FOXP4: variants seen among roughly 807,000 people sequenced by gnomAD.
FOXP4 encodes the protein forkhead box P4.
A neutral mutation model predicts 82.6 loss-of-function variants in FOXP4; 25 were observed. The ratio of observed to expected loss-of-function variants is 0.30; its 90% CI spans 0.22 to 0.42. The LOEUF (loss-of-function observed/expected upper bound fraction) is 0.42. Among genes scored for constraint, FOXP4 ranks in the 10% least tolerant of loss-of-function variants. The pLI is 1.00. For synonymous variants in FOXP4, 415 were observed against 388.2 expected (o/e 1.07, Z -0.81); for missense variants, 785 against 900.9 (o/e 0.87, Z 1.65).
Position 41,597,859 on chromosome 6 carries a change from C to T in FOXP4, c.1804C>T (p.Pro602Ser), listed in dbSNP as rs1163284070. 1.9e-6 allele frequency: 3 copies of T among 1,601,052 alleles called. No individual in the cohort carries two copies. The South Asian group carries it at 3.3e-5, about 18-fold the overall frequency. ...LNPGSASSLL[P>S]LSHDDVGAPV... ...CCCTGGCTCCGCCAGCAGCCTGCTGCCCCTCAGCCACGATGACGTGGGTGC... is the reference window on the plus strand; with the variant it reads ...CCCTGGCTCCGCCAGCAGCCTGCTGTCCCTCAGCCACGATGACGTGGGTGC... Residue 602 changes from proline (P) to serine (S), a missense_variant, in exon 16 of 17, where the codon CCC becomes TCC. Coordinates refer to ENST00000307972, the MANE Select transcript of FOXP4 (RefSeq NM_001012426.2).
At chr6:41,597,985 C>T in intron 16 of FOXP4, 35 bp downstream of exon 16, 2 of 1,420,550 alleles carry the variant, frequency 1.4e-6, no homozygotes, top group Non-Finnish European at 1.8e-6. Context: ...CCCACCCCAG[C>T]ACCCCTCAAC....
At chr6:41,572,010 A>G (rs1026929515) in intron 2 of FOXP4, among the ~76,000 whole-genome samples, 1 of 152,000 alleles carries the variant, frequency 6.6e-6, no homozygotes, top group Admixed American at 6.6e-5. Flanking sequence ...GTAAGTATCT[A>G]CCCCGAAAGA....
chr6:41,552,586 C>G (rs1007082140), intron 1 of FOXP4, among the ~76,000 whole-genome samples: 6 of 152,196 alleles, frequency 3.9e-5, no homozygotes, highest in Admixed American at 3.3e-4. Flanking sequence ...ACCTTTTTAA[C>G]TGAGCGCATC....
chr6:41,578,289 G>A (rs943590176), intron 3 of FOXP4, among the ~76,000 whole-genome samples: 4 of 152,168 alleles, frequency 2.6e-5, no homozygotes, highest in Admixed American at 1.3e-4. Context: ...CAGACCTTCC[G>A]CTAGCTTAGC....
intron 4 of FOXP4, among the ~76,000 whole-genome samples, 200 bp downstream of exon 4, chr6:41,585,091 C>T (rs1410190570): frequency 6.6e-6 from 1 of 152,142 alleles, no homozygotes; most frequent in Non-Finnish European, 1.5e-5. Context: ...CCCCACAATA[C>T]TCCCCGGTCC....
intron 1 of FOXP4, among the ~76,000 whole-genome samples, chr6:41,555,312 T>A (rs1462310434): frequency 2.0e-5 from 3 of 152,160 alleles, no homozygotes; most frequent in African/African-American, 7.2e-5. Context: ...CCACAGAGGT[T>A]AGGTCTTTGT....
At chr6:41,550,817 T>C (rs1215253794) in intron 1 of FOXP4, among the ~76,000 whole-genome samples, 1 of 152,134 alleles carries the variant, frequency 6.6e-6, no homozygotes, top group Non-Finnish European at 1.5e-5. Flanking sequence ...GGAGAGAGAA[T>C]TCCCCAGAAT....
At chr6:41,586,065 C>T (rs1197752818) in intron 5 of FOXP4, among the ~76,000 whole-genome samples, 1 of 152,110 alleles carries the variant, frequency 6.6e-6, no homozygotes, top group Non-Finnish European at 1.5e-5. Flanking sequence ...GGCCCTTCTC[C>T]CCTGGGTCCC....
Position 41,548,134 on chromosome 6 carries a change from C to T in FOXP4, c.-17+1267C>T, listed in dbSNP as rs376573865. On this transcript the variant is annotated intron_variant, in intron 1 of 16. Coordinates refer to ENST00000307972, the MANE Select transcript of FOXP4 (RefSeq NM_001012426.2). Reference sequence around the variant, plus strand: ...GCGCGCCCCGCTCTTTCCTTTGCTCCCCGGCTTCCCTGGCCAGCCCCCTCC... The same window carrying T: ...GCGCGCCCCGCTCTTTCCTTTGCTCTCCGGCTTCCCTGGCCAGCCCCCTCC... Among the ~76,000 whole-genome samples the T allele has an allele frequency of 8.5e-5, 13 of 152,302 alleles. No individual in the cohort carries two copies. In the South Asian group the frequency reaches 1.2e-3, roughly 15 times the overall value.
intron 1 of FOXP4, among the ~76,000 whole-genome samples, chr6:41,555,782 C>T (rs771000830): frequency 3.3e-5 from 5 of 152,128 alleles, no homozygotes; most frequent in Non-Finnish European, 7.3e-5. Context: ...TTCAAAAGGC[C>T]GCAATTAACA....
At position 41,591,178 on chromosome 6, in the gene FOXP4, G is replaced by C. The variant is rs572859352; in HGVS notation, c.1435-43G>C. On this transcript the variant is annotated intron_variant, in intron 12 of 16. Transcript: ENST00000307972. This position sits in a 1 kb window ranked among gnomAD's most constrained non-coding sequence, Gnocchi z 4.2. Reference sequence around the variant, plus strand: ...AGGGAACCCAGGGCTGTGACCCTTCGAGGCCCAGGCTGACGGTCCCTTTGC... The same window carrying C: ...AGGGAACCCAGGGCTGTGACCCTTCCAGGCCCAGGCTGACGGTCCCTTTGC... The C allele has an allele frequency of 6.5e-6, 10 of 1,542,704 alleles. No individual in the cohort carries two copies. The South Asian group carries it at 1.1e-4, about 16-fold the overall frequency.
chr6:41,598,703 C>T, intron 16 of FOXP4, 86 bp from the exon 17 acceptor site: 1 of 1,541,486 alleles, frequency 6.5e-7, no homozygotes, highest in Non-Finnish European at 8.8e-7. Context: ...CCACTGTGCC[C>T]CAGAGTTCTG....
At chr6:41,597,381 C>A (rs1435818101) in intron 15 of FOXP4, 139 bp downstream of exon 15, 4 of 832,646 alleles carry the variant, frequency 4.8e-6, no homozygotes, top group Non-Finnish European at 7.6e-6. Context: ...CGAGACCCCA[C>A]CTCTCTGCCC....
At chr6:41,560,417 C>A (rs1764501379) in intron 1 of FOXP4, among the ~76,000 whole-genome samples, 1 of 152,230 alleles carries the variant, frequency 6.6e-6, no homozygotes, top group Non-Finnish European at 1.5e-5. Flanking sequence ...GAACTGGAAA[C>A]GATATCTTAT....
rs570364407 is a variant in FOXP4, at chr6:41,591,510, T to A, written c.1536+188T>A. Among the ~76,000 whole-genome samples, 2 of 152,218 alleles carry A rather than the reference T, an allele frequency of 1.3e-5. No homozygotes were observed. Among genetic ancestry groups the A allele is most frequent in the Non-Finnish European group, 2.9e-5 (2 of 68,050 alleles). Reference sequence around the variant, plus strand: ...AGGGGCTGTGGATTGTTCCATAACCTTTTAATGATCCCTTCCTTCCAGCCT... The same window carrying A: ...AGGGGCTGTGGATTGTTCCATAACCATTTAATGATCCCTTCCTTCCAGCCT... On this transcript the variant is annotated intron_variant, in intron 13 of 16. Coordinates refer to ENST00000307972, the MANE Select transcript of FOXP4 (RefSeq NM_001012426.2). The surrounding 1 kb of genome is among the most constrained non-coding windows in gnomAD (Gnocchi z 4.2).
rs1270469535 is a variant in FOXP4 at position 41,601,061 on chromosome 6, C to T, written c.*2125C>T. On this transcript the variant is annotated 3_prime_UTR_variant, in exon 17 of 17. Transcript: ENST00000307972. ...TCCACACCCATTCCCAGGTGTCCTTCCAGGCCCATTGTCCACGTCTTCAAG... is the reference window on the plus strand; with the variant it reads ...TCCACACCCATTCCCAGGTGTCCTTTCAGGCCCATTGTCCACGTCTTCAAG... 1 of 152,258 alleles carries T rather than the reference C, an allele frequency of 6.6e-6. No homozygotes were observed. Among genetic ancestry groups the T allele is most frequent in the Non-Finnish European group, 1.5e-5 (1 of 68,094 alleles). The allele number at this position is 152,258 out of a possible 1,614,324, so 9.4% of individuals were successfully genotyped here. A position where few individuals can be genotyped will look rare whatever the true frequency, so the allele number is the denominator to read the frequency against.
chr6:41,553,456 A>G (rs778166882), intron 1 of FOXP4, among the ~76,000 whole-genome samples: 3 of 150,726 alleles, frequency 2.0e-5, no homozygotes, highest in Admixed American at 6.6e-5. Context: ...AATTGCACTT[A>G]TTTTCTAAAA....
Position 41,602,067 on chromosome 6 carries a change from A to G in FOXP4, c.*3131A>G, listed in dbSNP as rs1406264627. 1 of 151,892 alleles carries G rather than the reference A, an allele frequency of 6.6e-6. No individual in the cohort carries two copies. Among genetic ancestry groups the G allele is most frequent in the Admixed American group, 6.6e-5 (1 of 15,222 alleles). The allele number at this position is 151,892 out of a possible 1,614,324, so 9.4% of individuals were successfully genotyped here. ...GTCCATCTATTTCTGTCTGTCGCTC[A>G]CTCGCCCCGCTTTCTCTGTCTCACC... On this transcript the variant is annotated 3_prime_UTR_variant, in exon 17 of 17. Transcript: ENST00000307972.
At chr6:41,567,811 C>G (rs1176210846) in intron 2 of FOXP4, among the ~76,000 whole-genome samples, 1 of 152,156 alleles carries the variant, frequency 6.6e-6, no homozygotes, top group Non-Finnish European at 1.5e-5. Flanking sequence ...TCCAGTTATT[C>G]CTGTTTGTTT....
Sources: allele counts gnomAD v4.1 joint callset (sites outside exome capture counted in the v4.1 genomes callset), GRCh38; gene constraint gnomAD v4.1.1; non-coding constraint Gnocchi (gnomAD v3.1); transcripts MANE v1.5; gene names NCBI Gene and HGNC (gene_info 2026-07-23, HGNC 2026-07-21).